RUFY1: variants seen among roughly 807,000 people sequenced by gnomAD.
RUFY1 encodes RUN and FYVE domain-containing protein 1.
RUFY1 carries 54 observed loss-of-function variants against 94.6 expected under a neutral mutation model. That is an observed-to-expected ratio of 0.57 (90% CI 0.46 to 0.72). The LOEUF (loss-of-function observed/expected upper bound fraction) is 0.72. Among genes scored for constraint, RUFY1 ranks in the 30% least tolerant of loss-of-function variants. RUFY1 has a pLI of 0.00. For synonymous variants in RUFY1, 396 were observed against 347.3 expected (o/e 1.14, Z -1.56); for missense variants, 883 against 883.9 (o/e 1.00, Z 0.01).
At chr5:179,601,516 C>A (rs1288367997) in intron 14 of RUFY1, among the ~76,000 whole-genome samples, 4 of 150,454 alleles carry the variant, frequency 2.7e-5, no homozygotes, top group African/African-American at 9.9e-5. Context: ...GCTCTGGTTG[C>A]TGAATCTTTT....
At chr5:179,572,566 C>A in intron 5 of RUFY1, 1 of 231,402 alleles carries the variant, frequency 4.3e-6, no homozygotes. Context: ...GTGACTTTTG[C>A]CAGATCACTG....
At position 179,589,559 on chromosome 5, in the gene RUFY1, C is replaced by T. The variant is rs1562053334; in HGVS notation, c.1040C>T (p.Thr347Ile). The T allele has an allele frequency of 6.2e-7, 1 of 1,613,746 alleles. No homozygotes were observed. Among genetic ancestry groups the T allele is most frequent in the Non-Finnish European group, 8.5e-7 (1 of 1,179,692 alleles). The change falls in exon 9 of 18, where the codon ACA becomes ATA. Residue 347 changes from threonine to isoleucine, a missense_variant. By Grantham distance (89) the Thr-to-Ile change is moderately conservative (BLOSUM62 -1). Transcript: ENST00000319449. ...SKLQEELSAA[T>I]DRICSLQEEQ... ...TTCCTTAATCAGCTTTCAGCTGCAACAGACCGAATTTGCTCACTTCAAGAA... is the reference window on the plus strand; with the variant it reads ...TTCCTTAATCAGCTTTCAGCTGCAATAGACCGAATTTGCTCACTTCAAGAA...
At chr5:179,563,609 C>T (rs912389827) in intron 3 of RUFY1, among the ~76,000 whole-genome samples, 5 of 152,180 alleles carry the variant, frequency 3.3e-5, no homozygotes, top group African/African-American at 1.2e-4. Flanking sequence ...CAAATTCTGC[C>T]TGCCCGGCCT....
At chr5:179,575,236 C>G (rs902931315) in intron 5 of RUFY1, among the ~76,000 whole-genome samples, 5 of 152,098 alleles carry the variant, frequency 3.3e-5, no homozygotes, top group African/African-American at 1.2e-4. Flanking sequence ...CTGTATCTTT[C>G]ACAGCTGGGG....
chr5:179,576,265 G>A (rs1763604880), intron 5 of RUFY1, among the ~76,000 whole-genome samples: 3 of 152,016 alleles, frequency 2.0e-5, no homozygotes. Context: ...TTATTTCTTG[G>A]CAAAGCCGTT....
intron 6 of RUFY1, among the ~76,000 whole-genome samples, chr5:179,580,311 C>T (rs867207897): frequency 1.1e-4 from 17 of 149,360 alleles, no homozygotes; most frequent in Middle Eastern, 3.5e-3. Flanking sequence ...GGCGCCATCT[C>T]GGCTCACTGC....
At chr5:179,567,952 A>G (rs1762956557) in intron 4 of RUFY1, among the ~76,000 whole-genome samples, 2 of 152,068 alleles carry the variant, frequency 1.3e-5, no homozygotes, top group African/African-American at 4.8e-5. Context: ...TTGAATTAAA[A>G]TAAGTGTATC....
chr5:179,593,344 C>T, intron 10 of RUFY1, 134 bp from the exon 11 acceptor site: 2 of 1,022,952 alleles, frequency 2.0e-6, no homozygotes, highest in Non-Finnish European at 1.4e-6. Flanking sequence ...TCCCAAAGTG[C>T]TGAGGATTAC....
At chr5:179,558,572 C>CAAAA (rs10664309) in intron 1 of RUFY1, among the ~76,000 whole-genome samples, 1 of 137,124 alleles carries the variant, frequency 7.3e-6, no homozygotes, top group Non-Finnish European at 1.6e-5. Flanking sequence ...AACAACATCT[C>CAAAA]AAAAAAAAAA....
intron 1 of RUFY1, among the ~76,000 whole-genome samples, chr5:179,554,639 A>G (rs187384879): frequency 2.3e-4 from 35 of 151,936 alleles, no homozygotes; most frequent in African/African-American, 8.0e-4. Context: ...TTTTAAGGTA[A>G]TAAGCGAACA....
In RUFY1 at chr5:179,591,718, AAAG is replaced by A; in HGVS notation, c.1224_1226del (p.Glu410del). 3 of 1,609,072 alleles carry A rather than the reference AAAG, an allele frequency of 1.9e-6. No individual in the cohort carries two copies. The highest frequency in any genetic ancestry group is 2.5e-6 in the Non-Finnish European group (3 of 1,178,204). ...GTACAGTGATGTGTGGAAGCAGCTA[AAAG>A]AGGAGAAGAAAGTCCGGTTGGTGAG... is the stretch of plus-strand genomic sequence containing the variant. On this transcript the variant is annotated inframe_deletion, in exon 10 of 18. Transcript: ENST00000319449.
intron 17 of RUFY1, 114 bp from the exon 18 acceptor site, chr5:179,609,262 G>C: frequency 1.0e-6 from 1 of 996,480 alleles, no homozygotes; most frequent in African/African-American, 1.7e-5. Flanking sequence ...CCACCCCACA[G>C]AAACATAAGA....
intron 3 of RUFY1, among the ~76,000 whole-genome samples, chr5:179,564,703 A>G (rs1409910322): frequency 6.6e-6 from 1 of 152,076 alleles, no homozygotes; most frequent in Non-Finnish European, 1.5e-5. Context: ...AATCATCTGC[A>G]CTTTGACCCA....
intron 14 of RUFY1, 97 bp downstream of exon 14, chr5:179,598,918 G>C (rs1476313644): frequency 7.2e-7 from 1 of 1,398,432 alleles, no homozygotes; most frequent in Non-Finnish European, 9.9e-7. Flanking sequence ...CCTTTGTGTG[G>C]GGGCCAGGCG....
chr5:179,579,657 C>CTTTTTCTTTTTTTTTTTTT (rs1554118792), intron 6 of RUFY1, among the ~76,000 whole-genome samples: 13 of 50,564 alleles, frequency 2.6e-4, no homozygotes, highest in Admixed American at 7.6e-4. Flanking sequence ...TTTTCTTCTT[C>CTTTTTCTTTTTTTTTTTTT]TTTTTTTTTT....
In RUFY1 at chr5:179,550,633, C is replaced by T. The variant is rs750962218; in HGVS notation, c.64C>T (p.Pro22Ser). The change falls in exon 1 of 18, where the codon CCG becomes TCG. Residue 22 changes from proline to serine, a missense_variant. Coordinates refer to ENST00000319449, the MANE Select transcript of RUFY1 (RefSeq NM_025158.5). Reference sequence around the variant, plus strand: ...GCGGGAGCTGGAGCCGGAGCTGGAGCCGGGGCCGGGGCCCGGGTCAGCGCT... The same window carrying T: ...GCGGGAGCTGGAGCCGGAGCTGGAGTCGGGGCCGGGGCCCGGGTCAGCGCT... ...RGRELEPELEPGPGPGSALEP... is the reference protein window; with the variant it reads ...RGRELEPELESGPGPGSALEP... The T allele has an allele frequency of 7.2e-6, 10 of 1,393,506 alleles. No homozygotes were observed. Among genetic ancestry groups the T allele is most frequent in the Middle Eastern group, 2.1e-4 (1 of 4,728 alleles). The allele number at this position is 1,393,506 out of a possible 1,614,324, so 86.3% of individuals were successfully genotyped here. A position where few individuals can be genotyped will look rare whatever the true frequency, so the allele number is the denominator to read the frequency against.
chr5:179,569,530 G>T (rs1357900253), intron 5 of RUFY1, 105 bp downstream of exon 5: 2 of 1,173,080 alleles, frequency 1.7e-6, no homozygotes, highest in African/African-American at 1.5e-5. Flanking sequence ...ATGGCAAAGA[G>T]CCCACTGGTA....
chr5:179,604,971 A>G (rs918292181), intron 15 of RUFY1, among the ~76,000 whole-genome samples: 1 of 148,800 alleles, frequency 6.7e-6, no homozygotes, highest in Non-Finnish European at 1.5e-5. Flanking sequence ...CCAATGCAGC[A>G]AGACTCCATC....
chr5:179,585,681 C>CCT (rs1764552933), intron 7 of RUFY1, 115 bp from the exon 8 acceptor site: 1 of 727,996 alleles, frequency 1.4e-6, no homozygotes, highest in Admixed American at 2.3e-5. Flanking sequence ...AATTGGAGAC[C>CCT]CTCTGCCTTT....
Sources: gnomAD v4.1 joint callset for allele counts (sites outside exome capture counted in the v4.1 genomes callset) on GRCh38, gnomAD v4.1.1 for gene constraint, MANE v1.5 for transcripts, NCBI Gene and HGNC (gene_info 2026-07-23, HGNC 2026-07-21) for gene names.